ARHGAP21: variants seen among roughly 807,000 people sequenced by gnomAD.
ARHGAP21 encodes the protein rho GTPase-activating protein 21.
A neutral mutation model predicts 164.6 loss-of-function variants in ARHGAP21; 38 were observed. The observed-to-expected ratio is 0.23, with a 90% CI of 0.18 to 0.30. The LOEUF is 0.30. Ranked by LOEUF, ARHGAP21 falls within the 10% of genes least tolerant of loss-of-function variation. ARHGAP21 has a pLI of 1.00. For missense variants in ARHGAP21, 1,822 were observed against 2,370.7 expected (o/e 0.77, Z 4.81); for synonymous variants, 766 against 857.9 (o/e 0.89, Z 1.87).
intron 7 of ARHGAP21, among the ~76,000 whole-genome samples, chr10:24,625,137 T>C (rs1834996132): frequency 7.1e-6 from 1 of 141,578 alleles, no homozygotes; most frequent in African/African-American, 2.7e-5. Flanking sequence ...CCAAACAGTA[T>C]GTTAAATACA....
At chr10:24,664,433 T>C (rs983019553) in intron 4 of ARHGAP21, among the ~76,000 whole-genome samples, 1 of 151,914 alleles carries the variant, frequency 6.6e-6, no homozygotes, top group African/African-American at 2.4e-5. Flanking sequence ...CGTGCGCTTT[T>C]AGTCCCAGCT....
intron 4 of ARHGAP21, among the ~76,000 whole-genome samples, chr10:24,654,647 A>G (rs139306376): frequency 0.013 from 1,917 of 152,352 alleles, 6 homozygotes; most frequent in Admixed American, 0.024. Context: ...AGAACATTCC[A>G]TGCTCTTGGA....
chr10:24,594,960 T>G lies in ARHGAP21; in HGVS notation c.3866A>C (p.Glu1289Ala). 2.5e-6 allele frequency: 4 copies of G among 1,608,816 alleles called. No individual in the cohort carries two copies. The highest frequency in any genetic ancestry group is 1.1e-5 in the South Asian group (1 of 90,568). ...AHLKTVAENS[E>A]KNKMEPRNLA... ...AAGCATTTTACATACCTTATTTTTT[T>G]CTGAATTTTCTGCCACTGTCTTCAG... Residue 1289 changes from glutamate (E) to alanine (A), a missense_variant, in exon 21 of 26, where the codon GAA becomes GCA. This residue lies in a region of ARHGAP21 where 117 missense variants were observed against 238.1 expected (regional missense o/e 0.49). Coordinates refer to ENST00000396432, the MANE Select transcript of ARHGAP21 (RefSeq NM_020824.4).
chr10:24,611,429 C>A (rs1312468194), intron 9 of ARHGAP21, among the ~76,000 whole-genome samples: 1 of 152,262 alleles, frequency 6.6e-6, no homozygotes, highest in African/African-American at 2.4e-5. Context: ...ACAGGCCAGG[C>A]GCGGTGGCTC....
At chr10:24,612,339 A>C (rs1422978636) in intron 9 of ARHGAP21, among the ~76,000 whole-genome samples, 1 of 152,228 alleles carries the variant, frequency 6.6e-6, no homozygotes, top group Non-Finnish European at 1.5e-5. Context: ...AAATTTGTAT[A>C]AGTTGAAAGA....
chr10:24,634,374 T>A (rs1400731020), intron 5 of ARHGAP21, among the ~76,000 whole-genome samples: 1 of 152,220 alleles, frequency 6.6e-6, no homozygotes, highest in Non-Finnish European at 1.5e-5. Flanking sequence ...AGCTTTTCAA[T>A]AATTCCCATT....
intron 4 of ARHGAP21, among the ~76,000 whole-genome samples, chr10:24,659,125 T>C (rs1839407791): frequency 6.6e-6 from 1 of 152,196 alleles, no homozygotes; most frequent in African/African-American, 2.4e-5. Flanking sequence ...GAAAACGGTT[T>C]GGCAGTTCCT....
intron 9 of ARHGAP21, among the ~76,000 whole-genome samples, chr10:24,617,612 A>T (rs984649322): frequency 5.4e-5 from 8 of 147,192 alleles, no homozygotes; most frequent in African/African-American, 1.3e-4. Context: ...TCCGATTTAT[A>T]AAAAAAAACA....
At chr10:24,688,185 G>A (rs1400889402) in intron 2 of ARHGAP21, among the ~76,000 whole-genome samples, 1 of 152,172 alleles carries the variant, frequency 6.6e-6, no homozygotes, top group East Asian at 1.9e-4. Flanking sequence ...GAGGTCAGAA[G>A]TTCGAGGCCA....
intron 24 of ARHGAP21, 64 bp downstream of exon 24, chr10:24,591,161 C>T: frequency 1.5e-6 from 2 of 1,299,866 alleles, no homozygotes; most frequent in South Asian, 2.7e-5. Context: ...GATTGATTTG[C>T]TCTTTCATAT....
At chr10:24,642,933 T>C (rs73606530) in intron 4 of ARHGAP21, among the ~76,000 whole-genome samples, 1,976 of 152,284 alleles carry the variant, frequency 0.013, 41 homozygotes, top group African/African-American at 0.044. Flanking sequence ...CCCTGGAAAA[T>C]GCTAATAGTA....
chr10:24,654,607 A>G (rs1593178482), intron 4 of ARHGAP21, among the ~76,000 whole-genome samples: 1 of 152,348 alleles, frequency 6.6e-6, no homozygotes, highest in South Asian at 2.1e-4. Context: ...CCACTGCTCA[A>G]CGAAATAAAA....
intron 4 of ARHGAP21, among the ~76,000 whole-genome samples, chr10:24,655,943 A>G (rs11014194): frequency 0.77 from 62,977 of 81,862 alleles, 24,491 homozygotes; most frequent in African/African-American, 0.89. Context: ...CTGCCCGGCC[A>G]CCCCGTCTGA....
At position 24,597,438 on chromosome 10, in the gene ARHGAP21, C is replaced by T. The variant is rs745559518; in HGVS notation, c.3334+9G>A. 9.9e-6 allele frequency: 16 copies of T among 1,608,272 alleles called. No individual in the cohort carries two copies. Among genetic ancestry groups the T allele is most frequent in the South Asian group, 2.2e-5 (2 of 89,558 alleles). ...TTATATTTATTTGTTAGAAAGCTAA[C>T]ATCAATACCTTTACTGAGAAGTTTC... On this transcript the variant is annotated intron_variant, in intron 16 of 25. Coordinates refer to ENST00000396432, the MANE Select transcript of ARHGAP21 (RefSeq NM_020824.4).
At chr10:24,689,918 GTATATGTATGTATA>G (rs1842590787) in intron 2 of ARHGAP21, among the ~76,000 whole-genome samples, 2 of 142,164 alleles carry the variant, frequency 1.4e-5, no homozygotes, top group Admixed American at 7.0e-5. Flanking sequence ...ATGTATATAT[GTATATGTATGTATA>G]TGTATATATG....
Position 24,659,981 on chromosome 10 carries a change from T to TC in ARHGAP21, c.268+7003dup, listed in dbSNP as rs141780398. ...CTGTTGAGAAGGTTAAATGAGTTAA[T>TC]CCATGCAAAGTCTTAGAATGCAGCC... On this transcript the variant is annotated intron_variant, in intron 4 of 25. Coordinates refer to ENST00000396432, the MANE Select transcript of ARHGAP21 (RefSeq NM_020824.4). 6.0e-3 allele frequency among the ~76,000 whole-genome samples: 906 copies of TC among 152,254 alleles called. 12 individuals carry two copies. The highest frequency in any genetic ancestry group is 0.02 in the African/African-American group (834 of 41,536).
intron 7 of ARHGAP21, chr10:24,629,475 A>G (rs906899380): frequency 5.9e-5 from 9 of 152,958 alleles, no homozygotes; most frequent in African/African-American, 2.2e-4. Flanking sequence ...GACTCCGTTC[A>G]TTGTGAACAT....
intron 2 of ARHGAP21, among the ~76,000 whole-genome samples, chr10:24,690,969 G>A (rs1415444308): frequency 1.3e-5 from 2 of 151,684 alleles, no homozygotes; most frequent in Non-Finnish European, 2.9e-5. Context: ...AATTAGAAAA[G>A]TACATGGTGT....
intron 2 of ARHGAP21, among the ~76,000 whole-genome samples, chr10:24,697,674 C>T (rs932962326): frequency 1.3e-4 from 20 of 151,766 alleles, no homozygotes; most frequent in Admixed American, 1.1e-3. Context: ...CTGGCCAACA[C>T]GGTGAAACCC....
Sources: allele counts gnomAD v4.1 joint callset (sites outside exome capture counted in the v4.1 genomes callset), GRCh38; gene constraint gnomAD v4.1.1; regional missense constraint gnomAD v4.1.1; transcripts MANE v1.5; gene names NCBI Gene and HGNC (gene_info 2026-07-23, HGNC 2026-07-21).